Variants in SHISA9 observed in about 807,000 individuals in gnomAD.
SHISA9 encodes the protein protein shisa-9.
In SHISA9, 13 loss-of-function variants were observed where a neutral mutation model predicts 38.0. That is an observed-to-expected ratio of 0.34 (90% confidence interval 0.22 to 0.54). SHISA9 has a LOEUF of 0.54. Among genes scored for constraint, SHISA9 ranks in the 20% least tolerant of loss-of-function variants. The pLI is 0.91. For missense variants in SHISA9, 538 were observed against 575.8 expected (o/e 0.93, Z 0.67); for synonymous variants, 275 against 242.0 (o/e 1.14, Z -1.27).
At chr16:12,945,903 C>T in intron 2 of SHISA9, among the ~76,000 whole-genome samples, 1 of 152,194 alleles carries the variant, frequency 6.6e-6, no homozygotes, top group East Asian at 1.9e-4. Flanking sequence ...CACTTGAGGA[C>T]AGGAGTTTGA....
chr16:13,314,636 C>T, the SHISA9 span, among the ~76,000 whole-genome samples: 6 of 152,022 alleles, frequency 3.9e-5, no homozygotes. Context: ...TGAGTTTGGA[C>T]ATATGCACAC....
At chr16:13,262,667 A>AG in the SHISA9 span, among the ~76,000 whole-genome samples, 104 of 102,174 alleles carry the variant, frequency 1.0e-3, no homozygotes, top group Middle Eastern at 4.3e-3. Context: ...GAAGGAAGGA[A>AG]GGAAGGGAGG....
chr16:13,050,708 C>G (rs985703153), intron 2 of SHISA9, among the ~76,000 whole-genome samples: 7 of 152,222 alleles, frequency 4.6e-5, no homozygotes, highest in African/African-American at 7.2e-5. Flanking sequence ...TAGAATCTAA[C>G]TGGGGAAGCC....
rs2051392847 is a variant in SHISA9, at chr16:13,237,139, A to T, written c.*1730A>T. On this transcript the variant is annotated 3_prime_UTR_variant, in exon 5 of 5. Coordinates refer to ENST00000558583, the MANE Select transcript of SHISA9 (RefSeq NM_001145204.3). ...GCTATAAATGGTCTGGCCAAACAAGACTCAGAGTATTTTCTGAAATCCTGA... is the reference window on the plus strand; with the variant it reads ...GCTATAAATGGTCTGGCCAAACAAGTCTCAGAGTATTTTCTGAAATCCTGA... 1 of 152,064 alleles carries T rather than the reference A, an allele frequency of 6.6e-6. No homozygotes were observed. The highest frequency in any genetic ancestry group is 2.1e-4 in the South Asian group (1 of 4,814). The allele number at this position is 152,064 out of a possible 1,614,324, so 9.4% of individuals were successfully genotyped here.
chr16:13,537,532 T>C, the SHISA9 span, among the ~76,000 whole-genome samples: 1 of 152,170 alleles, frequency 6.6e-6, no homozygotes, highest in Non-Finnish European at 1.5e-5. Flanking sequence ...TGTAACTACT[T>C]ATTGTTGTAT....
chr16:13,357,779 G>C, the SHISA9 span, among the ~76,000 whole-genome samples: 7 of 151,478 alleles, frequency 4.6e-5, no homozygotes, highest in Non-Finnish European at 1.0e-4. Context: ...AGTGGGGGTC[G>C]CAAGGTGCTC....
the SHISA9 span, among the ~76,000 whole-genome samples, chr16:13,469,516 C>T: frequency 1.3e-5 from 2 of 152,088 alleles, no homozygotes; most frequent in Admixed American, 6.5e-5. Context: ...TGAGCCTCGA[C>T]CTGTGCAGAT....
chr16:12,908,278 C>T (rs2071130791), intron 1 of SHISA9, among the ~76,000 whole-genome samples: 1 of 152,154 alleles, frequency 6.6e-6, no homozygotes, highest in Non-Finnish European at 1.5e-5. Flanking sequence ...AGTCTCCTAA[C>T]CTCTCTGGAC....
chr16:13,282,659 C>T, the SHISA9 span, among the ~76,000 whole-genome samples: 5 of 152,068 alleles, frequency 3.3e-5, no homozygotes, highest in African/African-American at 4.8e-5. Context: ...CCCACAGGAT[C>T]CTAGGACTCT....
chr16:13,428,189 G>T, the SHISA9 span, among the ~76,000 whole-genome samples: 1 of 81,730 alleles, frequency 1.2e-5, no homozygotes, highest in South Asian at 4.0e-4. Context: ...ATATGGGATT[G>T]TTTTTATTTG....
At chr16:13,063,304 C>T (rs956929803) in intron 2 of SHISA9, among the ~76,000 whole-genome samples, 1 of 152,132 alleles carries the variant, frequency 6.6e-6, no homozygotes, top group Non-Finnish European at 1.5e-5. Context: ...CTGCACCTGG[C>T]CCTCAGTTTC....
At chr16:13,114,189 G>A (rs1028847006) in intron 2 of SHISA9, among the ~76,000 whole-genome samples, 32 of 152,088 alleles carry the variant, frequency 2.1e-4, no homozygotes, top group East Asian at 5.8e-4. Context: ...GAAAAAGGCT[G>A]GGCGTGGTGG....
intron 4 of SHISA9, among the ~76,000 whole-genome samples, chr16:13,227,144 C>G (rs994575778): frequency 6.6e-6 from 1 of 152,174 alleles, no homozygotes; most frequent in African/African-American, 2.4e-5. Flanking sequence ...GGAACCATGT[C>G]TGCTTCTGTT....
At chr16:13,447,054 GAGAA>G in the SHISA9 span, among the ~76,000 whole-genome samples, 87 of 151,544 alleles carry the variant, frequency 5.7e-4, no homozygotes, top group African/African-American at 1.2e-3. Context: ...AAGAGAGAGA[GAGAA>G]AGAAAGAATA....
At chr16:13,087,631 G>T (rs2073727883) in intron 2 of SHISA9, among the ~76,000 whole-genome samples, 1 of 152,196 alleles carries the variant, frequency 6.6e-6, no homozygotes, top group Admixed American at 6.5e-5. Context: ...CTTCTTTTGG[G>T]AAGTGTCTGT....
At chr16:13,559,119 A>ATGT in the SHISA9 span, among the ~76,000 whole-genome samples, 1 of 152,080 alleles carries the variant, frequency 6.6e-6, no homozygotes, top group East Asian at 1.9e-4. Context: ...TAGAATATAT[A>ATGT]CACTCTTAAC....
intron 2 of SHISA9, among the ~76,000 whole-genome samples, chr16:13,046,114 C>T (rs939633254): frequency 6.6e-6 from 1 of 151,994 alleles, no homozygotes; most frequent in Non-Finnish European, 1.5e-5. Flanking sequence ...TAGATATCTA[C>T]CCCACTCCCT....
At chr16:13,112,347 A>C (rs1281131883) in intron 2 of SHISA9, among the ~76,000 whole-genome samples, 2 of 152,076 alleles carry the variant, frequency 1.3e-5, no homozygotes, top group African/African-American at 2.4e-5. Context: ...AAAAGGAAGA[A>C]AGATGGGAAG....
At chr16:13,094,187 C>T (rs1241500954) in intron 2 of SHISA9, among the ~76,000 whole-genome samples, 1 of 152,136 alleles carries the variant, frequency 6.6e-6, no homozygotes, top group Non-Finnish European at 1.5e-5. Flanking sequence ...ACAAATTTCC[C>T]AACCGTGCTC....
Sources: allele counts gnomAD v4.1 joint callset (sites outside exome capture counted in the v4.1 genomes callset), GRCh38; gene constraint gnomAD v4.1.1; transcripts MANE v1.5; gene names NCBI Gene and HGNC (gene_info 2026-07-23, HGNC 2026-07-21).